CAMKMT: variants seen among roughly 807,000 people sequenced by gnomAD.
CAMKMT encodes the protein calmodulin-lysine N-methyltransferase.
Under a neutral mutation model 48.0 loss-of-function variants are expected in CAMKMT, and 53 were observed. That is an observed-to-expected ratio of 1.10 (90% CI 0.89 to 1.39). The LOEUF (loss-of-function observed/expected upper bound fraction) is 1.39. Ranked by LOEUF, CAMKMT falls within the 40% of genes most tolerant of loss-of-function variation. CAMKMT has a pLI of 0.00. For synonymous variants in CAMKMT, 165 were observed against 152.3 expected (o/e 1.08, Z -0.61); for missense variants, 428 against 402.7 (o/e 1.06, Z -0.54).
chr2:44,767,192 G>A (rs966208359), intron 10 of CAMKMT, among the ~76,000 whole-genome samples: 18 of 152,166 alleles, frequency 1.2e-4, no homozygotes, highest in Non-Finnish European at 2.6e-4. Context: ...ACTGAGAGGC[G>A]AGTGTTTCAC....
At chr2:44,568,507 G>C (rs1171686748) in intron 3 of CAMKMT, among the ~76,000 whole-genome samples, 1 of 152,194 alleles carries the variant, frequency 6.6e-6, no homozygotes, top group African/African-American at 2.4e-5. Context: ...GTCCTGTGGA[G>C]AGCATTTTAA....
chr2:44,753,940 T>G, intron 8 of CAMKMT, 115 bp from the exon 9 acceptor site: 1 of 736,510 alleles, frequency 1.4e-6, no homozygotes, highest in Non-Finnish European at 2.4e-6. Context: ...AGGAAACAAT[T>G]TCTCTTTTTT....
At position 44,754,046 on chromosome 2, in the gene CAMKMT, C is replaced by G. The variant is rs377753353; in HGVS notation, c.699-9C>G. On this transcript the variant is annotated splice_polypyrimidine_tract_variant and intron_variant, in intron 8 of 10. Transcript: ENST00000378494. ...TTTAATCTGGATTCTGCTCTCTTCT[C>G]AATGTCAGCCTGTTTCTGGACCAGT... 1 of 1,612,334 alleles carries G rather than the reference C, an allele frequency of 6.2e-7. No homozygotes were observed. The highest frequency in any genetic ancestry group is 1.1e-5 in the South Asian group (1 of 90,914).
chr2:44,391,334 T>C (rs915195567), intron 3 of CAMKMT, among the ~76,000 whole-genome samples: 1 of 152,182 alleles, frequency 6.6e-6, no homozygotes, highest in Non-Finnish European at 1.5e-5. Flanking sequence ...AGGTTTCTTT[T>C]TTATGGATAG....
At chr2:44,760,090 T>C (rs1382508943) in intron 9 of CAMKMT, among the ~76,000 whole-genome samples, 1 of 152,024 alleles carries the variant, frequency 6.6e-6, no homozygotes, top group Non-Finnish European at 1.5e-5. Context: ...ACTGTGGGAA[T>C]CTCATAGTTT....
chr2:44,714,840 G>A (rs2104301011), intron 6 of CAMKMT, among the ~76,000 whole-genome samples: 1 of 152,286 alleles, frequency 6.6e-6, no homozygotes, highest in Middle Eastern at 3.4e-3. Flanking sequence ...TGGCAAGTCA[G>A]CATCCTGCTT....
At chr2:44,631,695 C>G (rs1423796471) in intron 3 of CAMKMT, 1 of 395,914 alleles carries the variant, frequency 2.5e-6, no homozygotes, top group African/African-American at 2.1e-5. Context: ...TTTAATTGAA[C>G]TGAATTTAAT....
intron 3 of CAMKMT, among the ~76,000 whole-genome samples, chr2:44,530,070 G>C (rs763319929): frequency 6.6e-6 from 1 of 152,150 alleles, no homozygotes; most frequent in Non-Finnish European, 1.5e-5. Context: ...CAGCATGGAA[G>C]ACTGTCAATA....
At chr2:44,521,578 T>C (rs891063642) in intron 3 of CAMKMT, among the ~76,000 whole-genome samples, 4 of 152,216 alleles carry the variant, frequency 2.6e-5, no homozygotes, top group Admixed American at 2.6e-4. Context: ...CACGCCCGTC[T>C]AGTATCCCAA....
chr2:44,729,565 T>A (rs1678969586), intron 7 of CAMKMT, among the ~76,000 whole-genome samples: 1 of 152,136 alleles, frequency 6.6e-6, no homozygotes. Flanking sequence ...AGTAGTTCAG[T>A]GACTGTTGGA....
chr2:44,730,208 C>T (rs1053829533), intron 7 of CAMKMT, among the ~76,000 whole-genome samples: 1 of 152,170 alleles, frequency 6.6e-6, no homozygotes, highest in Non-Finnish European at 1.5e-5. Flanking sequence ...AGCCTCCAAA[C>T]CCTGGCCTCT....
At chr2:44,655,877 C>T (rs980678174) in intron 3 of CAMKMT, among the ~76,000 whole-genome samples, 1 of 152,150 alleles carries the variant, frequency 6.6e-6, no homozygotes, top group African/African-American at 2.4e-5. Context: ...GCCAGTAGGA[C>T]CTCATTTACC....
At chr2:44,501,579 G>T (rs746155329) in intron 3 of CAMKMT, among the ~76,000 whole-genome samples, 35 of 152,304 alleles carry the variant, frequency 2.3e-4, no homozygotes, top group Non-Finnish European at 4.4e-5. Context: ...AGTCTCTCAT[G>T]TATACCTGTT....
chr2:44,521,882 A>G (rs1221843766), intron 3 of CAMKMT, among the ~76,000 whole-genome samples: 1 of 152,102 alleles, frequency 6.6e-6, no homozygotes, highest in Non-Finnish European at 1.5e-5. Context: ...ATAAAATAAG[A>G]TAGAATTGTG....
rs571598620 is a variant in CAMKMT at position 44,543,631 on chromosome 2, T to C, written c.376+153326T>C. ...TGAGTGGTCCAACCCAACCCTATTT[T>C]TCTTATAAGCCATATTATTATTTTT... is the stretch of plus-strand genomic sequence containing the variant. On this transcript the variant is annotated intron_variant, in intron 3 of 10. Transcript: ENST00000378494. Among the ~76,000 whole-genome samples the C allele has an allele frequency of 2.0e-5, 3 of 152,300 alleles. No homozygotes were observed. In the East Asian group the frequency reaches 5.8e-4, roughly 29 times the overall value.
At position 44,631,741 on chromosome 2, in the gene CAMKMT, T is replaced by G. The variant is rs1404791241; in HGVS notation, c.377-72542T>G. On this transcript the variant is annotated intron_variant, in intron 3 of 10. Coordinates refer to ENST00000378494, the MANE Select transcript of CAMKMT (RefSeq NM_024766.5). ...GTTATGTTTAAGTTTACTATCTTGC[T>G]ATTTGTTTTCTGTTTGTCTTTTTTG... is the stretch of plus-strand genomic sequence containing the variant. The G allele has an allele frequency of 1.3e-5, 5 of 379,784 alleles. No individual in the cohort carries two copies. The East Asian group carries it at 1.9e-4, about 14-fold the overall frequency. 23.5% of individuals were successfully genotyped at this position (379,784 alleles called of 1,614,324 possible). A position where few individuals can be genotyped will look rare whatever the true frequency, so the allele number is the denominator to read the frequency against.
intron 3 of CAMKMT, among the ~76,000 whole-genome samples, chr2:44,540,121 A>G (rs1416386640): frequency 6.7e-6 from 1 of 149,960 alleles, no homozygotes; most frequent in African/African-American, 2.5e-5. Flanking sequence ...TGTTATAAGG[A>G]GAGGCTTCCC....
intron 3 of CAMKMT, among the ~76,000 whole-genome samples, chr2:44,433,332 A>C (rs1572863109): frequency 6.6e-6 from 1 of 152,352 alleles, no homozygotes; most frequent in South Asian, 2.1e-4. Flanking sequence ...AAGTGAAGAA[A>C]GATGAATTAA....
chr2:44,476,388 C>A (rs1478139455), intron 3 of CAMKMT, among the ~76,000 whole-genome samples: 1 of 152,076 alleles, frequency 6.6e-6, no homozygotes, highest in Non-Finnish European at 1.5e-5. Context: ...ATAACATATT[C>A]TTAAAATGGG....
Sources: allele counts gnomAD v4.1 joint callset (sites outside exome capture counted in the v4.1 genomes callset), GRCh38; gene constraint gnomAD v4.1.1; transcripts MANE v1.5; gene names NCBI Gene and HGNC (gene_info 2026-07-23, HGNC 2026-07-21).